Variants in DSCAM observed in about 807,000 individuals in gnomAD.
DSCAM encodes the protein cell adhesion molecule DSCAM.
A neutral mutation model predicts 217.7 loss-of-function variants in DSCAM; 47 were observed. The observed-to-expected ratio is 0.22, with a 90% CI of 0.17 to 0.28. The LOEUF (loss-of-function observed/expected upper bound fraction) is 0.28. Ranked by LOEUF, DSCAM falls within the 10% of genes least tolerant of loss-of-function variation. DSCAM has a pLI of 1.00. For synonymous variants in DSCAM, 1,056 were observed against 1,015.3 expected (o/e 1.04, Z -0.76); for missense variants, 2,080 against 2,618.3 (o/e 0.79, Z 4.49).
chr21:40,644,074 T>C (rs2089915378), intron 3 of DSCAM, among the ~76,000 whole-genome samples: 1 of 152,172 alleles, frequency 6.6e-6, no homozygotes, highest in Admixed American at 6.5e-5. Flanking sequence ...TCTAATTCAG[T>C]TGGTCCAAGA....
At chr21:40,099,070 A>C (rs1247066038) in intron 20 of DSCAM, among the ~76,000 whole-genome samples, 1 of 152,202 alleles carries the variant, frequency 6.6e-6, no homozygotes, top group Non-Finnish European at 1.5e-5. Flanking sequence ...ATGATGTGCA[A>C]ATTCTAACAA....
chr21:40,310,584 G>A (rs1331725553), intron 9 of DSCAM, among the ~76,000 whole-genome samples: 1 of 152,158 alleles, frequency 6.6e-6, no homozygotes, highest in African/African-American at 2.4e-5. Flanking sequence ...ATTTTGCCTT[G>A]GTTAAAAACT....
At chr21:40,140,486 G>T (rs1367200613) in intron 18 of DSCAM, among the ~76,000 whole-genome samples, 1 of 152,190 alleles carries the variant, frequency 6.6e-6, no homozygotes, top group Non-Finnish European at 1.5e-5. Context: ...TGATGTGGAT[G>T]AAGTCACCAC....
intron 3 of DSCAM, among the ~76,000 whole-genome samples, chr21:40,639,089 T>TA: frequency 6.7e-6 from 1 of 148,502 alleles, no homozygotes; most frequent in East Asian, 2.0e-4. Context: ...TTTTTTTTTT[T>TA]ACAGCAGCCT....
chr21:40,051,393 C>T (rs980952695), intron 30 of DSCAM, among the ~76,000 whole-genome samples: 1 of 152,166 alleles, frequency 6.6e-6, no homozygotes, highest in Non-Finnish European at 1.5e-5. Context: ...TTCACATTAA[C>T]TAGAATTATA....
intron 3 of DSCAM, among the ~76,000 whole-genome samples, chr21:40,525,715 C>T (rs1006901820): frequency 6.6e-6 from 1 of 152,158 alleles, no homozygotes; most frequent in Non-Finnish European, 1.5e-5. Flanking sequence ...TGTTAAAGAA[C>T]AAGGACTTTA....
chr21:40,185,598 C>G (rs2090886018), intron 14 of DSCAM, among the ~76,000 whole-genome samples: 1 of 152,232 alleles, frequency 6.6e-6, no homozygotes, highest in African/African-American at 2.4e-5. Flanking sequence ...AAAGGGCTGT[C>G]CCTGTCCCCA....
At chr21:40,375,770 A>G (rs924039345) in intron 3 of DSCAM, among the ~76,000 whole-genome samples, 2 of 152,214 alleles carry the variant, frequency 1.3e-5, no homozygotes, top group Admixed American at 1.3e-4. Context: ...GGTGGATGAA[A>G]CAGTCTATTA....
At chr21:40,152,966 G>C (rs921174685) in intron 16 of DSCAM, among the ~76,000 whole-genome samples, 2 of 152,242 alleles carry the variant, frequency 1.3e-5, no homozygotes, top group African/African-American at 2.4e-5. Context: ...AGAATTTCAC[G>C]TTTGAAGAAT....
At position 40,617,894 on chromosome 21, in the gene DSCAM, C is replaced by T. The variant is rs112862378; in HGVS notation, c.508+74916G>A. ...CCAAAATTCCTACTGCAGAGCAATG[C>T]CAGACAGAGGACGGGTGTTCCAACG... On this transcript the variant is annotated intron_variant, in intron 3 of 32. Coordinates refer to ENST00000400454, the MANE Select transcript of DSCAM (RefSeq NM_001389.5). Among the ~76,000 whole-genome samples, 872 of 152,320 alleles carry T rather than the reference C, an allele frequency of 5.7e-3. 10 individuals carry two copies. Among genetic ancestry groups the T allele is most frequent in the African/African-American group, 0.019 (775 of 41,576 alleles).
At chr21:40,179,183 CCAAAAAA>C in intron 14 of DSCAM, 89 bp from the exon 15 acceptor site, 2 of 86,314 alleles carry the variant, frequency 2.3e-5, no homozygotes, top group South Asian at 4.7e-4. Flanking sequence ...GAATTAAAAA[CCAAAAAA>C]AAAAAAAAAA....
intron 17 of DSCAM, among the ~76,000 whole-genome samples, chr21:40,143,236 C>G (rs1424267706): frequency 6.6e-6 from 1 of 152,204 alleles, no homozygotes; most frequent in Non-Finnish European, 1.5e-5. Flanking sequence ...AGACCATAGA[C>G]AGGTCAGAAG....
intron 15 of DSCAM, among the ~76,000 whole-genome samples, chr21:40,168,553 A>T (rs1448797970): frequency 3.3e-5 from 5 of 152,210 alleles, no homozygotes; most frequent in Non-Finnish European, 7.3e-5. Flanking sequence ...CAATTTTTAG[A>T]TCACTGCAGA....
intron 1 of DSCAM, among the ~76,000 whole-genome samples, chr21:40,783,324 T>C (rs1296663633): frequency 1.3e-5 from 2 of 152,120 alleles, no homozygotes; most frequent in Non-Finnish European, 2.9e-5. Flanking sequence ...ATTGCAGCAA[T>C]AACCTGTGTA....
intron 3 of DSCAM, among the ~76,000 whole-genome samples, chr21:40,420,664 C>A (rs1271847073): frequency 6.6e-6 from 1 of 152,104 alleles, no homozygotes; most frequent in Non-Finnish European, 1.5e-5. Flanking sequence ...TGAATGAGGT[C>A]ATTAGAGTGA....
intron 3 of DSCAM, among the ~76,000 whole-genome samples, chr21:40,595,111 T>TC (rs1197369012): frequency 6.6e-6 from 1 of 152,112 alleles, no homozygotes; most frequent in Non-Finnish European, 1.5e-5. Context: ...TCTTTCCATA[T>TC]CCATGCCTAT....
chr21:40,370,320 ACCT>A (rs2074882366), intron 3 of DSCAM, among the ~76,000 whole-genome samples: 1 of 151,242 alleles, frequency 6.6e-6, no homozygotes, highest in African/African-American at 2.4e-5. Flanking sequence ...AACTCAGTAC[ACCT>A]CCTGCCACCG....
At chr21:40,435,392 C>A (rs1262228587) in intron 3 of DSCAM, among the ~76,000 whole-genome samples, 2 of 152,168 alleles carry the variant, frequency 1.3e-5, no homozygotes, top group Non-Finnish European at 1.5e-5. Flanking sequence ...AGATTTAAGC[C>A]TGGGATCCAT....
At position 40,644,173 on chromosome 21, in the gene DSCAM, A is replaced by C. The variant is rs112014831; in HGVS notation, c.508+48637T>G. Among the ~76,000 whole-genome samples, 676 of 152,350 alleles carry C rather than the reference A, an allele frequency of 4.4e-3. 2 individuals carry two copies. The highest frequency in any genetic ancestry group is 0.011 in the South Asian group (54 of 4,834). On this transcript the variant is annotated intron_variant, in intron 3 of 32. Transcript: ENST00000400454. ...AGAGTGAGCAAAGCCAGCACACAGC[A>C]GGTGCTTAATAAATGCTTTCTGAAT...
Sources: gnomAD v4.1 joint callset for allele counts (sites outside exome capture counted in the v4.1 genomes callset) on GRCh38, gnomAD v4.1.1 for gene constraint, MANE v1.5 for transcripts, NCBI Gene and HGNC (gene_info 2026-07-23, HGNC 2026-07-21) for gene names.